SEMA5A: variants seen among roughly 807,000 people sequenced by gnomAD.
SEMA5A encodes the protein semaphorin 5A, also known as semaphorin-5A.
In SEMA5A, 55 loss-of-function variants were observed where a neutral mutation model predicts 135.5. The observed-to-expected ratio is 0.41, with a 90% CI of 0.33 to 0.51. The LOEUF (loss-of-function observed/expected upper bound fraction) is 0.51. Ranked by LOEUF, SEMA5A falls within the 20% of genes least tolerant of loss-of-function variation. The pLI is 0.37. For synonymous variants in SEMA5A, 580 were observed against 546.5 expected (o/e 1.06, Z -0.85); for missense variants, 1,290 against 1,419.9 (o/e 0.91, Z 1.47).
chr5:9,434,166 G>C (rs1273854448), intron 2 of SEMA5A, among the ~76,000 whole-genome samples: 1 of 152,234 alleles, frequency 6.6e-6, no homozygotes, highest in South Asian at 2.1e-4. Context: ...GCCTTTACAC[G>C]ATAGAGTATT....
intron 1 of SEMA5A, among the ~76,000 whole-genome samples, chr5:9,514,193 C>T (rs1183989662): frequency 6.6e-6 from 1 of 152,186 alleles, no homozygotes; most frequent in African/African-American, 2.4e-5. Context: ...CTTTTCCTCT[C>T]TATCTGCAGC....
chr5:9,494,741 G>A (rs888658623), intron 1 of SEMA5A, among the ~76,000 whole-genome samples: 2 of 152,172 alleles, frequency 1.3e-5, no homozygotes, highest in African/African-American at 2.4e-5. Context: ...ATTGTATAAC[G>A]TGTTCCTGTT....
intron 5 of SEMA5A, among the ~76,000 whole-genome samples, chr5:9,307,254 G>T (rs1751914488): frequency 6.6e-6 from 1 of 152,194 alleles, no homozygotes; most frequent in Non-Finnish European, 1.5e-5. Context: ...GTGTTCTAAT[G>T]AAGAAGTATT....
rs1755524760 is a variant in SEMA5A at position 9,379,954 on chromosome 5, A to G, written c.-8T>C. 1 of 1,607,610 alleles carries G rather than the reference A, an allele frequency of 6.2e-7. No individual in the cohort carries two copies. Among genetic ancestry groups the G allele is most frequent in the Non-Finnish European group, 8.5e-7 (1 of 1,176,396 alleles). On this transcript the variant is annotated 5_prime_UTR_variant, in exon 3 of 23. Coordinates refer to ENST00000382496, the MANE Select transcript of SEMA5A (RefSeq NM_003966.3). ...AACACAGGTTCCCTTCATGGTGGGCAAGGGGCCTCTGACTCTGGGCACGTG... is the reference window on the plus strand; with the variant it reads ...AACACAGGTTCCCTTCATGGTGGGCGAGGGGCCTCTGACTCTGGGCACGTG...
At chr5:9,166,759 G>C (rs948740075) in intron 11 of SEMA5A, among the ~76,000 whole-genome samples, 1 of 152,166 alleles carries the variant, frequency 6.6e-6, no homozygotes, top group Non-Finnish European at 1.5e-5. Flanking sequence ...TAAAACAAGA[G>C]TGCAATTAAT....
chr5:9,221,286 A>G (rs1480022024), intron 8 of SEMA5A, among the ~76,000 whole-genome samples: 1 of 148,014 alleles, frequency 6.8e-6, no homozygotes, highest in Non-Finnish European at 1.5e-5. Flanking sequence ...GAGAAAAGGC[A>G]TCCGAACATT....
chr5:9,099,546 G>T (rs962287763), intron 16 of SEMA5A, among the ~76,000 whole-genome samples: 2 of 152,136 alleles, frequency 1.3e-5, no homozygotes, highest in Non-Finnish European at 2.9e-5. Flanking sequence ...AAAGGTCAAG[G>T]TCATGTCTTT....
At chr5:9,182,729 T>C (rs934392723) in intron 11 of SEMA5A, among the ~76,000 whole-genome samples, 1 of 151,342 alleles carries the variant, frequency 6.6e-6, no homozygotes, top group Non-Finnish European at 1.5e-5. Flanking sequence ...GCCTGCTTAT[T>C]TTTATACAAT....
intron 5 of SEMA5A, among the ~76,000 whole-genome samples, chr5:9,262,910 TAA>T (rs371078828): frequency 0.076 from 7,965 of 104,732 alleles, 280 homozygotes; most frequent in Middle Eastern, 0.24. Flanking sequence ...AAAAAAAAAT[TAA>T]AAAAAAAAAG....
chr5:9,057,449 A>G (rs1468496643), intron 18 of SEMA5A, among the ~76,000 whole-genome samples: 1 of 152,248 alleles, frequency 6.6e-6, no homozygotes, highest in Non-Finnish European at 1.5e-5. Flanking sequence ...TTCTACCAAC[A>G]TGTAAGCCAA....
chr5:9,533,822 G>A (rs1164571339), intron 1 of SEMA5A, among the ~76,000 whole-genome samples: 1 of 152,074 alleles, frequency 6.6e-6, no homozygotes, highest in Non-Finnish European at 1.5e-5. Flanking sequence ...CCACACATAG[G>A]AAAGACACAA....
intron 16 of SEMA5A, among the ~76,000 whole-genome samples, chr5:9,072,028 T>C (rs1579339796): frequency 6.6e-6 from 1 of 152,356 alleles, no homozygotes; most frequent in South Asian, 2.1e-4. Flanking sequence ...GTAAGGAAGG[T>C]ATATAAAGGA....
At chr5:9,420,009 G>A (rs924399658) in intron 2 of SEMA5A, among the ~76,000 whole-genome samples, 16 of 152,040 alleles carry the variant, frequency 1.1e-4, no homozygotes, top group African/African-American at 2.7e-4. Context: ...TGGGCCCCTC[G>A]GTGGCCATAT....
intron 5 of SEMA5A, among the ~76,000 whole-genome samples, chr5:9,255,514 C>A (rs1749020889): frequency 2.0e-5 from 3 of 152,162 alleles, no homozygotes; most frequent in Non-Finnish European, 2.9e-5. Context: ...AAGAACAGAA[C>A]AAAGTATCCA....
rs140142559 is a variant in SEMA5A, at chr5:9,409,784, C to T, written c.-78+27972G>A. ...CATTAGATCGGGGGGCTGTGTTGTC[C>T]GCGGGGTGCTTTCTGGTGATCATTC... On this transcript the variant is annotated intron_variant, in intron 2 of 22. Transcript: ENST00000382496. Among the ~76,000 whole-genome samples, 620 of 152,262 alleles carry T rather than the reference C, an allele frequency of 4.1e-3. 2 individuals carry two copies. Among genetic ancestry groups the T allele is most frequent in the African/African-American group, 0.014 (589 of 41,552 alleles).
intron 11 of SEMA5A, among the ~76,000 whole-genome samples, chr5:9,166,576 C>T (rs997066131): frequency 1.9e-4 from 29 of 152,178 alleles, no homozygotes; most frequent in African/African-American, 6.8e-4. Flanking sequence ...ATCCCTGCTC[C>T]ACCACTACTC....
At chr5:9,078,970 A>C (rs1256342488) in intron 16 of SEMA5A, among the ~76,000 whole-genome samples, 1 of 152,100 alleles carries the variant, frequency 6.6e-6, no homozygotes, top group East Asian at 1.9e-4. Context: ...AACATTTTTA[A>C]GTTTTGAGCT....
chr5:9,328,206 G>T (rs1752962436), intron 4 of SEMA5A, among the ~76,000 whole-genome samples: 2 of 152,094 alleles, frequency 1.3e-5, no homozygotes, highest in Admixed American at 1.3e-4. Flanking sequence ...ACTGAAACGT[G>T]TCTCAAATCT....
intron 8 of SEMA5A, among the ~76,000 whole-genome samples, chr5:9,203,985 G>A (rs970021738): frequency 1.8e-4 from 27 of 152,112 alleles, no homozygotes; most frequent in East Asian, 3.9e-4. Context: ...GTGGGTGGGG[G>A]GGTGTTAAGT....
Sources: allele counts gnomAD v4.1 joint callset (sites outside exome capture counted in the v4.1 genomes callset), GRCh38; gene constraint gnomAD v4.1.1; transcripts MANE v1.5; gene names NCBI Gene and HGNC (gene_info 2026-07-23, HGNC 2026-07-21).